Variants in EML6 observed in about 807,000 individuals in gnomAD.
EML6 encodes the protein EMAP like 6.
A neutral mutation model predicts 240.1 loss-of-function variants in EML6; 154 were observed. The ratio of observed to expected loss-of-function variants is 0.64; its 90% CI spans 0.56 to 0.73. EML6 has a LOEUF of 0.73. Among genes scored for constraint, EML6 ranks in the 30% least tolerant of loss-of-function variants. The probability of loss-of-function intolerance (pLI) is 0.00; values close to 1 mark genes in which losing one functional copy is unlikely to be tolerated. For synonymous variants in EML6, 1,148 were observed against 899.0 expected (o/e 1.28, Z -4.95); for missense variants, 2,964 against 2,474.6 (o/e 1.20, Z -4.20).
chr2:54,893,879 T>C (rs955797215), intron 19 of EML6, among the ~76,000 whole-genome samples: 2 of 152,192 alleles, frequency 1.3e-5, no homozygotes, highest in African/African-American at 4.8e-5. Flanking sequence ...CATATGTTTT[T>C]GGTTAAACTG....
chr2:54,787,576 G>A (rs1051955709), intron 2 of EML6, among the ~76,000 whole-genome samples: 10 of 152,152 alleles, frequency 6.6e-5, no homozygotes, highest in African/African-American at 1.9e-4. Flanking sequence ...GTAAAGTACC[G>A]CATAGTAATT....
intron 11 of EML6, among the ~76,000 whole-genome samples, chr2:54,854,358 T>G (rs1670256931): frequency 6.6e-6 from 1 of 152,208 alleles, no homozygotes; most frequent in East Asian, 1.9e-4. Context: ...TGAGAGAAGT[T>G]TGATTCAAAG....
intron 2 of EML6, among the ~76,000 whole-genome samples, chr2:54,734,654 G>A (rs922554654): frequency 2.0e-5 from 3 of 152,198 alleles, no homozygotes; most frequent in African/African-American, 7.2e-5. Flanking sequence ...CAAGGTAGTG[G>A]AGGTGGGGAT....
At chr2:54,828,774 G>T (rs962078241) in intron 6 of EML6, among the ~76,000 whole-genome samples, 1 of 152,194 alleles carries the variant, frequency 6.6e-6, no homozygotes, top group Non-Finnish European at 1.5e-5. Flanking sequence ...ATTTTCCTGT[G>T]GAGGAGCATC....
At chr2:54,888,849 T>A (rs1358575925) in intron 17 of EML6, among the ~76,000 whole-genome samples, 1 of 152,216 alleles carries the variant, frequency 6.6e-6, no homozygotes, top group Non-Finnish European at 1.5e-5. Context: ...TGTGTGGACA[T>A]AAGTTTTCAG....
chr2:54,755,024 T>G lies in EML6; in HGVS notation c.197+29766T>G, dbSNP rs746288250. Reference sequence around the variant, plus strand: ...CACAGTTCCAGAAACTTTATTGATTTACCTTTAAAATTTAGGTCTGTGATC... The same window carrying G: ...CACAGTTCCAGAAACTTTATTGATTGACCTTTAAAATTTAGGTCTGTGATC... On this transcript the variant is annotated intron_variant, in intron 2 of 41. Transcript: ENST00000356458. Among the ~76,000 whole-genome samples the G allele has an allele frequency of 1.1e-3, 167 of 152,374 alleles. No individual in the cohort carries two copies. The Middle Eastern group carries it at 0.014, about 12-fold the overall frequency.
At chr2:54,851,256 A>G (rs1670070143) in intron 10 of EML6, among the ~76,000 whole-genome samples, 1 of 151,778 alleles carries the variant, frequency 6.6e-6, no homozygotes, top group African/African-American at 2.4e-5. Flanking sequence ...TAAAGATACA[A>G]AAAAAAATCA....
At chr2:54,879,962 C>G (rs1464971865) in intron 17 of EML6, 3 of 218,788 alleles carry the variant, frequency 1.4e-5, no homozygotes, top group South Asian at 2.6e-4. Context: ...GTGCCTTGCC[C>G]CTTGTTTTTC....
intron 9 of EML6, among the ~76,000 whole-genome samples, 182 bp from the exon 10 acceptor site, chr2:54,849,780 G>T (rs1239299965): frequency 6.6e-6 from 1 of 152,186 alleles, no homozygotes; most frequent in South Asian, 2.1e-4. Context: ...AAGCCACCGC[G>T]CCCGGCCAAT....
At chr2:54,952,738 G>A (rs1328320177) in intron 31 of EML6, 46 bp downstream of exon 31, 17 of 1,296,782 alleles carry the variant, frequency 1.3e-5, no homozygotes, top group East Asian at 2.5e-5. Context: ...TTGCAGGGAC[G>A]CTGACCTGTC....
At chr2:54,922,598 C>T (rs1674317006) in intron 26 of EML6, among the ~76,000 whole-genome samples, 1 of 152,172 alleles carries the variant, frequency 6.6e-6, no homozygotes, top group Non-Finnish European at 1.5e-5. Context: ...CCACCATGTT[C>T]ATTACAGCAT....
At chr2:54,880,277 G>C (rs1196519254) in intron 17 of EML6, 1 of 152,148 alleles carries the variant, frequency 6.6e-6, no homozygotes, top group African/African-American at 2.4e-5. Flanking sequence ...CCCTGATCAG[G>C]GGTCAAAATA....
At chr2:54,736,197 C>G (rs929077489) in intron 2 of EML6, among the ~76,000 whole-genome samples, 4 of 152,168 alleles carry the variant, frequency 2.6e-5, no homozygotes, top group Non-Finnish European at 4.4e-5. Context: ...GTTATGGAGA[C>G]CAGTGAGTTC....
At chr2:54,859,059 C>T (rs911599629) in intron 11 of EML6, among the ~76,000 whole-genome samples, 1 of 152,178 alleles carries the variant, frequency 6.6e-6, no homozygotes, top group African/African-American at 2.4e-5. Flanking sequence ...CACTCACTAC[C>T]TGGGGTTAGT....
Position 54,844,016 on chromosome 2 carries a change from G to C in EML6, c.848-31G>C, listed in dbSNP as rs542765756. ...TGTGTGTGTGTGTGAATAGTGTGAA[G>C]ATTTGCTTTTGTTTTACTTATTTTT... On this transcript the variant is annotated intron_variant, in intron 7 of 41. Coordinates refer to ENST00000356458, the MANE Select transcript of EML6 (RefSeq NM_001039753.4). 2.8e-6 allele frequency: 3 copies of C among 1,052,760 alleles called. No homozygotes were observed. The South Asian group carries it at 4.1e-5, about 14-fold the overall frequency. The allele number at this position is 1,052,760 out of a possible 1,614,324, so 65.2% of individuals were successfully genotyped here.
At chr2:54,876,672 T>A (rs996478566) in intron 16 of EML6, among the ~76,000 whole-genome samples, 2 of 152,222 alleles carry the variant, frequency 1.3e-5, no homozygotes, top group Non-Finnish European at 2.9e-5. Flanking sequence ...TTGTACAGTG[T>A]TTTTGAAATG....
At chr2:54,959,710 C>T (rs568328222) in intron 34 of EML6, among the ~76,000 whole-genome samples, 2 of 152,098 alleles carry the variant, frequency 1.3e-5, no homozygotes, top group African/African-American at 4.8e-5. Context: ...TGCAGTGAGC[C>T]GAGATCATGT....
At chr2:54,827,846 A>G (rs147890836) in intron 6 of EML6, 95 bp downstream of exon 6, 19 of 883,132 alleles carry the variant, frequency 2.2e-5, no homozygotes, top group Admixed American at 1.6e-4. Context: ...CTTTAGAATC[A>G]GAGAACCCTG....
At chr2:54,968,378 G>A in intron 40 of EML6, 97 bp downstream of exon 40, 1 of 1,174,480 alleles carries the variant, frequency 8.5e-7, no homozygotes, top group Non-Finnish European at 1.2e-6. Flanking sequence ...GAGACACAGA[G>A]AAACCCTGTC....
Sources: gnomAD v4.1 joint callset for allele counts (sites outside exome capture counted in the v4.1 genomes callset) on GRCh38, gnomAD v4.1.1 for gene constraint, MANE v1.5 for transcripts, NCBI Gene and HGNC (gene_info 2026-07-23, HGNC 2026-07-21) for gene names.